The following MAGI2 variants were observed in gnomAD, a reference collection of about 807,000 sequenced individuals.
The protein encoded by MAGI2 is membrane associated guanylate kinase, WW and PDZ domain containing 2.
In MAGI2, 35 loss-of-function variants were observed where a neutral mutation model predicts 133.3. That is an observed-to-expected ratio of 0.26 (90% CI 0.20 to 0.35). The LOEUF (loss-of-function observed/expected upper bound fraction) is 0.35, where lower values mean the gene tolerates loss of function less well. Among genes scored for constraint, MAGI2 ranks in the 10% least tolerant of loss-of-function variants. The pLI, the probability that MAGI2 is intolerant of heterozygous loss-of-function variation, is 1.00. For synonymous variants in MAGI2, 729 were observed against 710.6 expected, an observed-to-expected ratio of 1.03 and a Z score of -0.41; for missense variants, 1,636 against 1,863.4, an observed-to-expected ratio of 0.88 and a Z score of 2.25.
intron 10 of MAGI2, among the ~76,000 whole-genome samples, chr7:78,206,553 AGTG>A (rs1459302196): frequency 6.6e-6 from 1 of 152,066 alleles, no homozygotes; most frequent in Non-Finnish European, 1.5e-5. Flanking sequence ...GGCCTCCCAA[AGTG>A]GTGGAATTAC....
chr7:78,228,957 C>T (rs1035607922), intron 10 of MAGI2, among the ~76,000 whole-genome samples: 4 of 152,206 alleles, frequency 2.6e-5, no homozygotes, highest in Admixed American at 6.5e-5. Context: ...ATAACATAAA[C>T]ATCTTCTAGG....
chr7:79,243,728 T>C (rs1052009917), intron 1 of MAGI2, among the ~76,000 whole-genome samples: 2 of 152,226 alleles, frequency 1.3e-5, no homozygotes, highest in African/African-American at 4.8e-5. Context: ...CCTATGGCTT[T>C]AATGTCCATA....
At position 78,550,821 on chromosome 7, in the gene MAGI2, A is replaced by G. The variant is rs557721071; in HGVS notation, c.539-29176T>C. Among the ~76,000 whole-genome samples the G allele has an allele frequency of 2.0e-5, 3 of 152,112 alleles. No homozygotes were observed. In the East Asian group the frequency reaches 5.8e-4, roughly 29 times the overall value. ...GCTAATCATCCTTTCTTAATGACCA[A>G]TTTCCATAGAGACAAGTTAATGGTT... On this transcript the variant is annotated intron_variant, in intron 3 of 21. Coordinates refer to ENST00000354212, the MANE Select transcript of MAGI2 (RefSeq NM_012301.4).
intron 2 of MAGI2, among the ~76,000 whole-genome samples, chr7:78,817,945 T>C (rs555474272): frequency 6.6e-6 from 1 of 152,194 alleles, no homozygotes; most frequent in African/African-American, 2.4e-5. Context: ...CTTTTATACA[T>C]ATTGGGAAAC....
intron 1 of MAGI2, among the ~76,000 whole-genome samples, chr7:79,110,119 G>A (rs371815566): frequency 6.6e-6 from 1 of 151,268 alleles, no homozygotes. Context: ...GAGTGAAGAA[G>A]GCTTGGTAGT....
intron 16 of MAGI2, among the ~76,000 whole-genome samples, chr7:78,141,501 AC>A (rs1822747831): frequency 6.6e-6 from 1 of 152,152 alleles, no homozygotes; most frequent in Non-Finnish European, 1.5e-5. Context: ...GTGGGAAAAA[AC>A]ATGTGTTTTG....
intron 1 of MAGI2, among the ~76,000 whole-genome samples, chr7:79,443,459 A>C (rs1312991270): frequency 6.6e-6 from 1 of 152,156 alleles, no homozygotes. Context: ...GCAACATTGG[A>C]CAATTCATAT....
At chr7:78,695,190 A>T (rs4730460) in intron 2 of MAGI2, among the ~76,000 whole-genome samples, 58,769 of 151,944 alleles carry the variant, frequency 0.39, 11,760 homozygotes, top group Middle Eastern at 0.47. Context: ...ACACCACTGC[A>T]CTCCAGCCTG....
chr7:78,481,903 G>A (rs1234559822), intron 6 of MAGI2, among the ~76,000 whole-genome samples: 1 of 151,846 alleles, frequency 6.6e-6, no homozygotes, highest in Non-Finnish European at 1.5e-5. Flanking sequence ...AAGGAAAAAT[G>A]ATAATCTGGA....
intron 1 of MAGI2, among the ~76,000 whole-genome samples, chr7:79,326,985 G>A (rs1214942201): frequency 6.6e-6 from 1 of 152,146 alleles, no homozygotes; most frequent in Non-Finnish European, 1.5e-5. Flanking sequence ...TGAGTTCAGG[G>A]TCTTTTCACA....
At chr7:78,037,870 T>C (rs1247034600) in intron 21 of MAGI2, among the ~76,000 whole-genome samples, 3 of 152,190 alleles carry the variant, frequency 2.0e-5, no homozygotes, top group Non-Finnish European at 4.4e-5. Flanking sequence ...CCCATTTCTT[T>C]CGTTCAGTAC....
intron 2 of MAGI2, among the ~76,000 whole-genome samples, chr7:78,689,453 GTTTGA>G (rs1816718724): frequency 6.6e-6 from 1 of 152,150 alleles, no homozygotes; most frequent in Non-Finnish European, 1.5e-5. Flanking sequence ...AATGCTCCAA[GTTTGA>G]TTTGTTTTTC....
intron 1 of MAGI2, among the ~76,000 whole-genome samples, chr7:79,181,163 C>T (rs1398020580): frequency 1.3e-5 from 2 of 151,978 alleles, no homozygotes; most frequent in African/African-American, 2.4e-5. Context: ...CTTCTCACAA[C>T]TCCACTAGGC....
intron 2 of MAGI2, among the ~76,000 whole-genome samples, chr7:78,906,912 A>G (rs961082797): frequency 3.9e-5 from 6 of 152,192 alleles, no homozygotes; most frequent in Admixed American, 6.5e-5. Flanking sequence ...GCCTTAAGCC[A>G]TGTGGAAGGG....
chr7:79,195,710 C>A (rs889919934), intron 1 of MAGI2, among the ~76,000 whole-genome samples: 2 of 152,048 alleles, frequency 1.3e-5, no homozygotes, highest in South Asian at 4.2e-4. Context: ...CGCACTTCTC[C>A]TAGGCAAGCT....
In MAGI2 at chr7:78,524,771, GTAA is replaced by G. The variant is rs569669378; in HGVS notation, c.539-3129_539-3127del. Among the ~76,000 whole-genome samples, 84 of 16,880 alleles carry G rather than the reference GTAA, an allele frequency of 5.0e-3. No individual in the cohort carries two copies. The African/African-American group carries it at 0.073, about 15-fold the overall frequency. 11.1% of individuals were successfully genotyped at this position (16,880 alleles called of 152,430 possible). A position where few individuals can be genotyped will look rare whatever the true frequency, so the allele number is the denominator to read the frequency against. On this transcript the variant is annotated intron_variant, in intron 3 of 21. Transcript: ENST00000354212. ...TTCCTAAAGGGTAGCACAGCTTTCA[GTAA>G]GTATGTTGCTATGCTTTCTATGGAA...
chr7:78,503,794 G>T (rs1794855189), intron 4 of MAGI2, among the ~76,000 whole-genome samples: 1 of 150,770 alleles, frequency 6.6e-6, no homozygotes, highest in Non-Finnish European at 1.5e-5. Context: ...AATAAGGTGG[G>T]CCGTTATGAT....
At chr7:79,304,327 A>G (rs1837622127) in intron 1 of MAGI2, among the ~76,000 whole-genome samples, 1 of 151,636 alleles carries the variant, frequency 6.6e-6, no homozygotes, top group Admixed American at 6.6e-5. Context: ...TACAAAGTGG[A>G]AGCTGGGAGA....
At chr7:78,344,720 C>T (rs983542493) in intron 8 of MAGI2, among the ~76,000 whole-genome samples, 11 of 152,174 alleles carry the variant, frequency 7.2e-5, no homozygotes, top group African/African-American at 2.4e-4. Flanking sequence ...AAAGGTAACA[C>T]ATTTTGTCAC....
Sources: gnomAD v4.1 joint callset for allele counts (sites outside exome capture counted in the v4.1 genomes callset) on GRCh38, gnomAD v4.1.1 for gene constraint, MANE v1.5 for transcripts, NCBI Gene and HGNC (gene_info 2026-07-23, HGNC 2026-07-21) for gene names.